The following ETS1 variants were observed in gnomAD, a reference collection of about 807,000 sequenced individuals.
The protein encoded by ETS1 is protein C-ets-1.
Under a neutral mutation model 58.6 loss-of-function variants are expected in ETS1, and 15 were observed. That is an observed-to-expected ratio of 0.26 (90% CI 0.17 to 0.39). The LOEUF is 0.39. Among genes scored for constraint, ETS1 ranks in the 10% least tolerant of loss-of-function variants. ETS1 has a pLI of 1.00. For synonymous variants in ETS1, 214 were observed against 218.2 expected (o/e 0.98, Z 0.17); for missense variants, 417 against 610.5 (o/e 0.68, Z 3.34).
At chr11:128,509,327 C>T (rs1209753189) in intron 3 of ETS1, among the ~76,000 whole-genome samples, 1 of 152,150 alleles carries the variant, frequency 6.6e-6, no homozygotes, top group Non-Finnish European at 1.5e-5. Flanking sequence ...TACAAATGTC[C>T]CTCTTGCATC....
intron 3 of ETS1, among the ~76,000 whole-genome samples, chr11:128,548,424 G>T (rs1258810148): frequency 6.6e-6 from 1 of 152,014 alleles, no homozygotes; most frequent in Non-Finnish European, 1.5e-5. Flanking sequence ...AGGGTTCAGT[G>T]ATTCGTCCAG....
chr11:128,531,078 C>G (rs1473670901), intron 3 of ETS1, among the ~76,000 whole-genome samples: 4 of 152,214 alleles, frequency 2.6e-5, no homozygotes, highest in African/African-American at 9.6e-5. Flanking sequence ...CAAGCAGAAA[C>G]TACCAGGCTT....
Position 128,484,881 on chromosome 11 carries a change from A to C in ETS1, c.804T>G (p.Phe268Leu). The change falls in exon 7 of 10, where the codon TTT (phenylalanine) becomes TTG (leucine). Residue 268 changes from phenylalanine to leucine, a missense_variant. Physicochemically the swap from Phe to Leu is conservative, Grantham distance 22. Coordinates refer to ENST00000392668, the MANE Select transcript of ETS1 (RefSeq NM_001143820.2). Reference protein sequence around the residue: ...LQTDTLQNDYFAIKQEVVTPD... With the variant: ...LQTDTLQNDYLAIKQEVVTPD... The stretch of plus-strand genomic sequence containing the variant: ...GGGTGACGACTTCTTGTTTGATAGC[A>C]AAGTAGTCATTCTGCAAGGTGTCTG... 1 of 1,613,886 alleles carries C rather than the reference A, an allele frequency of 6.2e-7. No individual in the cohort carries two copies. The highest frequency in any genetic ancestry group is 8.5e-7 in the Non-Finnish European group (1 of 1,179,834).
At chr11:128,570,487 C>A (rs1389320706) in intron 2 of ETS1, among the ~76,000 whole-genome samples, 1 of 152,138 alleles carries the variant, frequency 6.6e-6, no homozygotes, top group Non-Finnish European at 1.5e-5. Flanking sequence ...ACTGATCCGC[C>A]CGCCTCAGCC....
intron 3 of ETS1, among the ~76,000 whole-genome samples, chr11:128,505,696 G>A (rs1388356186): frequency 3.3e-5 from 5 of 152,164 alleles, no homozygotes; most frequent in Admixed American, 1.3e-4. Context: ...AATGGGTGGC[G>A]AGCAGACAAA....
chr11:128,499,474 T>A (rs1863029424), intron 3 of ETS1, among the ~76,000 whole-genome samples: 1 of 152,220 alleles, frequency 6.6e-6, no homozygotes, highest in South Asian at 2.1e-4. Flanking sequence ...TCACAAATGT[T>A]TCTTAAGTGA....
intron 3 of ETS1, among the ~76,000 whole-genome samples, chr11:128,548,800 C>T (rs1213270532): frequency 6.6e-6 from 1 of 152,194 alleles, no homozygotes; most frequent in Non-Finnish European, 1.5e-5. Flanking sequence ...CTGGCAGCGC[C>T]GGGGTTAACC....
intron 3 of ETS1, chr11:128,536,445 GAGA>G (rs1237916061): frequency 3.3e-5 from 5 of 152,330 alleles, no homozygotes; most frequent in African/African-American, 1.2e-4. Flanking sequence ...ATAGTAAGAA[GAGA>G]AGAAATATGT....
intron 4 of ETS1, among the ~76,000 whole-genome samples, chr11:128,490,109 T>C (rs1288139343): frequency 6.6e-6 from 1 of 152,242 alleles, no homozygotes; most frequent in East Asian, 1.9e-4. Flanking sequence ...TCTTCATACA[T>C]GACCTGAGGT....
At chr11:128,536,001 A>C (rs979527763) in intron 3 of ETS1, among the ~76,000 whole-genome samples, 10 of 152,180 alleles carry the variant, frequency 6.6e-5, no homozygotes, top group Non-Finnish European at 1.2e-4. Context: ...TCACTTTATA[A>C]TGATCATAAT....
intron 8 of ETS1, among the ~76,000 whole-genome samples, chr11:128,474,273 T>C (rs1439701005): frequency 6.6e-6 from 1 of 152,188 alleles, no homozygotes; most frequent in African/African-American, 2.4e-5. Context: ...AAAGACTGCT[T>C]GCAAGGTATT....
In ETS1 at chr11:128,484,806, G is replaced by A. The variant is rs1184960140; in HGVS notation, c.862+17C>T. 5 of 1,603,414 alleles carry A rather than the reference G, an allele frequency of 3.1e-6. No individual in the cohort carries two copies. Among genetic ancestry groups the A allele is most frequent in the Non-Finnish European group, 3.4e-6 (4 of 1,172,198 alleles). ...TCTTGTAAACCCAAGAGCTTTTAGAGAAGAAATATGACCTACCACGACTGG... is the reference window on the plus strand; with the variant it reads ...TCTTGTAAACCCAAGAGCTTTTAGAAAAGAAATATGACCTACCACGACTGG... On this transcript the variant is annotated intron_variant, in intron 7 of 9. Coordinates refer to ENST00000392668, the MANE Select transcript of ETS1 (RefSeq NM_001143820.2).
At chr11:128,496,901 A>G (rs1565381598) in intron 3 of ETS1, among the ~76,000 whole-genome samples, 1 of 152,156 alleles carries the variant, frequency 6.6e-6, no homozygotes, top group Non-Finnish European at 1.5e-5. Context: ...CATAAACCCA[A>G]TGATGTGACA....
At chr11:128,586,975 A>C (rs1167495825) in intron 1 of ETS1, among the ~76,000 whole-genome samples, 1 of 152,226 alleles carries the variant, frequency 6.6e-6, no homozygotes, top group Non-Finnish European at 1.5e-5. Flanking sequence ...GTCCCAAGAC[A>C]GAGAAAAACA....
chr11:128,461,718 C>T lies in ETS1; in HGVS notation c.*643G>A, dbSNP rs1234470182. 1 of 152,558 alleles carries T rather than the reference C, an allele frequency of 6.6e-6. No individual in the cohort carries two copies. The highest frequency in any genetic ancestry group is 1.5e-5 in the Non-Finnish European group (1 of 68,022). The allele number at this position is 152,558 out of a possible 1,614,324, so 9.5% of individuals were successfully genotyped here. A position where few individuals can be genotyped will look rare whatever the true frequency, so the allele number is the denominator to read the frequency against. The stretch of plus-strand genomic sequence containing the variant: ...ATAAAAACAAACTTACATGATATTG[C>T]AATACTGAGACCACCTTAGAGCTTA... On this transcript the variant is annotated 3_prime_UTR_variant, in exon 10 of 10. Coordinates refer to ENST00000392668, the MANE Select transcript of ETS1 (RefSeq NM_001143820.2).
At chr11:128,547,909 T>C (rs1864156108) in intron 3 of ETS1, among the ~76,000 whole-genome samples, 1 of 151,972 alleles carries the variant, frequency 6.6e-6, no homozygotes, top group South Asian at 2.1e-4. Flanking sequence ...ACAGCCAAGG[T>C]TGCCCCATGC....
chr11:128,586,004 C>G lies in ETS1; in HGVS notation c.-15+1484G>C, dbSNP rs1268938931. Among the ~76,000 whole-genome samples, 7 of 152,346 alleles carry G rather than the reference C, an allele frequency of 4.6e-5. 1 individual carries two copies. In the South Asian group the frequency reaches 1.4e-3, roughly 32 times the overall value. ...CACCCCTCTACCAGCTTCCCCCAGG[C>G]TCTGCCTCAGGACATCCTTTCACAG... On this transcript the variant is annotated intron_variant, in intron 1 of 9. Coordinates refer to ENST00000392668, the MANE Select transcript of ETS1 (RefSeq NM_001143820.2).
chr11:128,571,521 A>G lies in ETS1; in HGVS notation c.69+1541T>C. On this transcript the variant is annotated intron_variant, in intron 2 of 9. Transcript: ENST00000392668. The stretch of plus-strand genomic sequence containing the variant: ...TCCGTCAAAAAAAAAAAAAAAAAAA[A>G]AAAAAAAAAAAAAAAAAAAAAACTT... Among the ~76,000 whole-genome samples the G allele has an allele frequency of 3.3e-3, 443 of 134,912 alleles. 52 individuals are homozygous for G. Among genetic ancestry groups the G allele is most frequent in the African/African-American group, 0.013 (413 of 30,622 alleles). 88.5% of individuals were successfully genotyped at this position (134,912 alleles called of 152,430 possible).
chr11:128,545,524 C>A lies in ETS1; in HGVS notation c.214+10767G>T, dbSNP rs1014995843. 3.8e-4 allele frequency among the ~76,000 whole-genome samples: 58 copies of A among 152,140 alleles called. 4 individuals carry two copies. The highest frequency in any genetic ancestry group is 1.5e-5 in the Non-Finnish European group (1 of 68,024). On this transcript the variant is annotated intron_variant, in intron 3 of 9. Coordinates refer to ENST00000392668, the MANE Select transcript of ETS1 (RefSeq NM_001143820.2). ...TCTGTAAAATGGGAATAGTATCACC[C>A]TCACAGGAATATTGTAAAAGCAAAA...
Sources: gnomAD v4.1 joint callset for allele counts (sites outside exome capture counted in the v4.1 genomes callset) on GRCh38, gnomAD v4.1.1 for gene constraint, MANE v1.5 for transcripts, NCBI Gene and HGNC (gene_info 2026-07-23, HGNC 2026-07-21) for gene names.